The following FCHSD2 variants were observed in gnomAD, a reference collection of about 807,000 sequenced individuals.
FCHSD2 encodes the protein F-BAR and double SH3 domains protein 2.
FCHSD2 carries 38 observed loss-of-function variants against 108.1 expected under a neutral mutation model. The observed-to-expected ratio is 0.35, with a 90% confidence interval of 0.27 to 0.46. The LOEUF (loss-of-function observed/expected upper bound fraction) is 0.46. Ranked by LOEUF, FCHSD2 falls within the 20% of genes least tolerant of loss-of-function variation. The pLI, the probability that FCHSD2 is intolerant of heterozygous loss-of-function variation, is 1.00. For synonymous variants in FCHSD2, 279 were observed against 314.7 expected (o/e 0.89, Z 1.20); for missense variants, 751 against 897.8 (o/e 0.84, Z 2.09).
chr11:73,094,626 CCT>C (rs941443103), intron 2 of FCHSD2, among the ~76,000 whole-genome samples: 14 of 152,048 alleles, frequency 9.2e-5, no homozygotes, highest in East Asian at 3.9e-4. Flanking sequence ...ATACTTGACC[CCT>C]GTTATTTTAT....
intron 3 of FCHSD2, among the ~76,000 whole-genome samples, chr11:73,026,795 G>A (rs1014948552): frequency 6.6e-6 from 1 of 152,164 alleles, no homozygotes; most frequent in Non-Finnish European, 1.5e-5. Flanking sequence ...CTGTTCTCAT[G>A]ACAGCAAGTG....
At chr11:73,022,579 A>G (rs370380429) in intron 3 of FCHSD2, among the ~76,000 whole-genome samples, 2 of 152,344 alleles carry the variant, frequency 1.3e-5, no homozygotes, top group South Asian at 2.1e-4. Context: ...AATGAAAGAA[A>G]GAAAAGAATA....
rs532326716 is a variant in FCHSD2, at chr11:72,844,777, A to G, written c.1444-1245T>C. The stretch of plus-strand genomic sequence containing the variant: ...ATGTAAAATTAACTCCAAGTTACAC[A>G]AACAAAAATAAGGCAAAAAAGGGGT... On this transcript the variant is annotated intron_variant, in intron 14 of 19. Transcript: ENST00000409418. 2.0e-5 allele frequency among the ~76,000 whole-genome samples: 3 copies of G among 152,304 alleles called. No homozygotes were observed. The South Asian group carries it at 6.2e-4, about 32-fold the overall frequency.
At chr11:73,009,383 G>C (rs2135426370) in intron 4 of FCHSD2, among the ~76,000 whole-genome samples, 1 of 152,168 alleles carries the variant, frequency 6.6e-6, no homozygotes, top group East Asian at 1.9e-4. Context: ...TGTAATCCCA[G>C]TTGCTCGGGA....
intron 12 of FCHSD2, among the ~76,000 whole-genome samples, chr11:72,878,205 G>C (rs1388635530): frequency 6.6e-6 from 1 of 152,112 alleles, no homozygotes; most frequent in African/African-American, 2.4e-5. Flanking sequence ...TTTGAGTCCA[G>C]GAGTTCAAGG....
chr11:73,003,016 G>A (rs1296401302), intron 4 of FCHSD2, among the ~76,000 whole-genome samples: 3 of 152,196 alleles, frequency 2.0e-5, no homozygotes, highest in African/African-American at 7.2e-5. Flanking sequence ...ATGAATGGAT[G>A]AATGTATTAA....
At chr11:73,038,030 G>C (rs755177850) in intron 3 of FCHSD2, among the ~76,000 whole-genome samples, 18 of 152,138 alleles carry the variant, frequency 1.2e-4, no homozygotes, top group Non-Finnish European at 2.1e-4. Flanking sequence ...CCACAAACAA[G>C]TCTTCTGCTA....
chr11:72,927,785 G>GGC (rs1471343054), intron 8 of FCHSD2, among the ~76,000 whole-genome samples: 4 of 152,208 alleles, frequency 2.6e-5, no homozygotes, highest in Non-Finnish European at 4.4e-5. Flanking sequence ...GCTGCAGGCA[G>GGC]AGAAGCCTAC....
intron 6 of FCHSD2, 146 bp downstream of exon 6, chr11:72,988,818 G>T: frequency 2.0e-6 from 1 of 493,186 alleles, no homozygotes; most frequent in Non-Finnish European, 3.4e-6. Flanking sequence ...AAAAAAATGT[G>T]ACCTAAAGTA....
At chr11:73,014,713 A>T (rs1254196749) in intron 4 of FCHSD2, among the ~76,000 whole-genome samples, 1 of 152,196 alleles carries the variant, frequency 6.6e-6, no homozygotes, top group Non-Finnish European at 1.5e-5. Context: ...TATTGTTTGA[A>T]GGGTATTTGG....
chr11:73,129,897 C>G lies in FCHSD2; in HGVS notation c.119+10134G>C, dbSNP rs1433736121. ...CTTTTTTTTTTTTTTTTTTTTGAGACAGAGTCTCGCTCTGTCGCCCAGGCT... is the reference window on the plus strand; with the variant it reads ...CTTTTTTTTTTTTTTTTTTTTGAGAGAGAGTCTCGCTCTGTCGCCCAGGCT... On this transcript the variant is annotated intron_variant, in intron 2 of 19. Coordinates refer to ENST00000409418, the MANE Select transcript of FCHSD2 (RefSeq NM_014824.3). 2.3e-5 allele frequency among the ~76,000 whole-genome samples: 3 copies of G among 131,346 alleles called. No individual in the cohort carries two copies. The Admixed American group carries it at 2.5e-4, about 11-fold the overall frequency. 86.2% of individuals were successfully genotyped at this position (131,346 alleles called of 152,430 possible).
At chr11:72,888,626 T>TC in intron 11 of FCHSD2, among the ~76,000 whole-genome samples, 1 of 151,550 alleles carries the variant, frequency 6.6e-6, no homozygotes, top group Non-Finnish European at 1.5e-5. Context: ...TTTCTTTCTT[T>TC]TTTTTTTTTG....
chr11:72,962,031 T>A (rs1055689208), intron 8 of FCHSD2, among the ~76,000 whole-genome samples: 1 of 152,234 alleles, frequency 6.6e-6, no homozygotes, highest in South Asian at 2.1e-4. Flanking sequence ...AAGAATTCCA[T>A]TGAAATATTC....
chr11:73,118,068 G>A (rs1860645073), intron 2 of FCHSD2, among the ~76,000 whole-genome samples: 1 of 152,160 alleles, frequency 6.6e-6, no homozygotes, highest in Admixed American at 6.5e-5. Flanking sequence ...TGTAATCCCA[G>A]CACTTTGGGA....
At chr11:72,860,726 A>G (rs543890545) in intron 13 of FCHSD2, among the ~76,000 whole-genome samples, 3 of 152,068 alleles carry the variant, frequency 2.0e-5, no homozygotes, top group Non-Finnish European at 2.9e-5. Flanking sequence ...TGGGAGGCTG[A>G]GGCATAAGAA....
chr11:73,077,034 C>T (rs1481874044), intron 3 of FCHSD2, among the ~76,000 whole-genome samples: 2 of 143,294 alleles, frequency 1.4e-5, no homozygotes, highest in Non-Finnish European at 3.0e-5. Flanking sequence ...GGCATGAACC[C>T]GGGAGGCGGA....
intron 8 of FCHSD2, among the ~76,000 whole-genome samples, chr11:72,923,716 C>T (rs1403873248): frequency 6.6e-6 from 1 of 151,938 alleles, no homozygotes; most frequent in Admixed American, 6.6e-5. Flanking sequence ...CTGAGGTGGG[C>T]GGATCAAGAG....
At chr11:73,117,813 T>C (rs2135554168) in intron 2 of FCHSD2, among the ~76,000 whole-genome samples, 1 of 152,366 alleles carries the variant, frequency 6.6e-6, no homozygotes, top group East Asian at 1.9e-4. Context: ...AGCCATTAAT[T>C]AATCCACCTT....
intron 14 of FCHSD2, 125 bp from the exon 15 acceptor site, chr11:72,843,657 A>C (rs1000148970): frequency 1.6e-5 from 11 of 673,254 alleles, no homozygotes; most frequent in Non-Finnish European, 2.6e-5. Context: ...TGAACATAAA[A>C]ATTTAAATGC....
Sources: gnomAD v4.1 joint callset for allele counts (sites outside exome capture counted in the v4.1 genomes callset) on GRCh38, gnomAD v4.1.1 for gene constraint, MANE v1.5 for transcripts, NCBI Gene and HGNC (gene_info 2026-07-23, HGNC 2026-07-21) for gene names.